Variants in RAVER2 observed in about 807,000 individuals in gnomAD.
The protein encoded by RAVER2 is ribonucleoprotein PTB-binding 2.
Under a neutral mutation model 78.1 loss-of-function variants are expected in RAVER2, and 46 were observed. The observed-to-expected ratio is 0.59, with a 90% CI of 0.46 to 0.75. The LOEUF (loss-of-function observed/expected upper bound fraction) is 0.75. Ranked by LOEUF, RAVER2 falls within the 30% of genes least tolerant of loss-of-function variation. The pLI, the probability that RAVER2 is intolerant of heterozygous loss-of-function variation, is 0.00. For synonymous variants in RAVER2, 311 were observed against 313.3 expected, an observed-to-expected ratio of 0.99 and a Z score of 0.08; for missense variants, 793 against 837.5, an observed-to-expected ratio of 0.95 and a Z score of 0.66.
intron 11 of RAVER2, among the ~76,000 whole-genome samples, chr1:64,829,579 G>A (rs1277661191): frequency 2.0e-5 from 3 of 152,176 alleles, no homozygotes; most frequent in Admixed American, 6.5e-5. Context: ...TGGTGCAGCA[G>A]CCCTTCTCTA....
intron 5 of RAVER2, among the ~76,000 whole-genome samples, chr1:64,800,414 A>G (rs1653229804): frequency 6.6e-6 from 1 of 151,970 alleles, no homozygotes; most frequent in Non-Finnish European, 1.5e-5. Context: ...TAGTTGTGCA[A>G]TTTTTAGTCT....
intron 4 of RAVER2, among the ~76,000 whole-genome samples, chr1:64,783,138 C>T (rs963504394): frequency 2.0e-5 from 3 of 152,104 alleles, no homozygotes; most frequent in Admixed American, 2.0e-4. Context: ...CATTGATGGA[C>T]ATTTGGGTTG....
At chr1:64,808,401 C>T (rs1027527947) in intron 9 of RAVER2, among the ~76,000 whole-genome samples, 1 of 149,392 alleles carries the variant, frequency 6.7e-6, no homozygotes, top group Non-Finnish European at 1.5e-5. Flanking sequence ...CTAGCCATAG[C>T]AAGAGGTATG....
At chr1:64,820,833 T>C (rs905300098) in intron 11 of RAVER2, among the ~76,000 whole-genome samples, 1 of 152,242 alleles carries the variant, frequency 6.6e-6, no homozygotes, top group Admixed American at 6.5e-5. Context: ...TGATTCTATG[T>C]CTTTGCTATT....
At chr1:64,817,711 C>T (rs1242259775) in intron 11 of RAVER2, among the ~76,000 whole-genome samples, 1 of 140,808 alleles carries the variant, frequency 7.1e-6, no homozygotes, top group Non-Finnish European at 1.5e-5. Context: ...AATGAGAACA[C>T]TTGGAAACAG....
intron 5 of RAVER2, among the ~76,000 whole-genome samples, chr1:64,794,474 T>C (rs116685276): frequency 6.6e-6 from 1 of 152,168 alleles, no homozygotes; most frequent in African/African-American, 2.4e-5. Context: ...CATCAGTTTC[T>C]AGGGCTCCAG....
chr1:64,789,641 A>G (rs535699782), intron 5 of RAVER2, 127 bp downstream of exon 5: 1 of 758,772 alleles, frequency 1.3e-6, no homozygotes, highest in Non-Finnish European at 1.7e-6. Flanking sequence ...AAAATATTTA[A>G]TTTTTCTAGG....
intron 11 of RAVER2, among the ~76,000 whole-genome samples, chr1:64,828,717 TAA>T (rs1164602235): frequency 6.6e-6 from 1 of 152,146 alleles, no homozygotes; most frequent in Admixed American, 6.5e-5. Context: ...ATTAAATATT[TAA>T]GTGTATAGTT....
intron 11 of RAVER2, among the ~76,000 whole-genome samples, chr1:64,825,843 T>C (rs185810297): frequency 2.8e-4 from 43 of 152,380 alleles, no homozygotes; most frequent in Admixed American, 2.4e-3. Flanking sequence ...GAAAATTAAC[T>C]TTTTAAAATC....
At chr1:64,755,772 G>A (rs954599308) in intron 1 of RAVER2, among the ~76,000 whole-genome samples, 2 of 114,716 alleles carry the variant, frequency 1.7e-5, no homozygotes, top group Non-Finnish European at 3.3e-5. Flanking sequence ...AACTAGAGTA[G>A]AAAGTGATGG....
intron 2 of RAVER2, among the ~76,000 whole-genome samples, chr1:64,775,972 C>A (rs1008212255): frequency 6.2e-5 from 9 of 145,244 alleles, no homozygotes; most frequent in African/African-American, 2.3e-4. Context: ...GAGCTGAGAT[C>A]GGCACCACTG....
chr1:64,826,523 G>A (rs994194147), intron 11 of RAVER2, among the ~76,000 whole-genome samples: 1 of 152,190 alleles, frequency 6.6e-6, no homozygotes, highest in African/African-American at 2.4e-5. Context: ...TAGGGCAGAA[G>A]AAGAGGGAGC....
At chr1:64,830,971 A>C (rs765536989) in exon 12 of RAVER2, 5 of 1,613,754 alleles carry the variant, frequency 3.1e-6, no homozygotes, top group South Asian at 2.2e-5. Flanking sequence ...CTTAAAAAAG[A>C]AGCGAGTATA....
intron 4 of RAVER2, 22 bp from the exon 5 acceptor site, chr1:64,789,366 C>T (rs770305308): frequency 6.4e-7 from 1 of 1,563,412 alleles, no homozygotes; most frequent in Non-Finnish European, 8.7e-7. Flanking sequence ...TCTAATGTTT[C>T]TTATTTCTAT....
At chr1:64,789,361 T>C (rs1389952326) in intron 4 of RAVER2, 27 bp from the exon 5 acceptor site, 2 of 1,561,670 alleles carry the variant, frequency 1.3e-6, no homozygotes, top group South Asian at 2.5e-5. Context: ...GCTGTTCTAA[T>C]GTTTCTTATT....
In RAVER2 at chr1:64,777,121, AT is replaced by A. The variant is rs555916587; in HGVS notation, c.317-498del. Among the ~76,000 whole-genome samples the A allele has an allele frequency of 1.9e-3, 295 of 152,288 alleles. 2 individuals carry two copies. Among genetic ancestry groups the A allele is most frequent in the Admixed American group, 0.017 (263 of 15,292 alleles). On this transcript the variant is annotated intron_variant, in intron 2 of 11. Coordinates refer to ENST00000294428, the Ensembl canonical transcript of RAVER2. ...GAGAAAGAAATGGCCTCCTTTATGC[AT>A]TTTGATGTTTTTGCTGTACCTTCAT...
intron 6 of RAVER2, among the ~76,000 whole-genome samples, chr1:64,804,309 T>G (rs1383303911): frequency 6.6e-6 from 1 of 152,000 alleles, no homozygotes; most frequent in Non-Finnish European, 1.5e-5. Flanking sequence ...TAATCCTGTG[T>G]TTTTTTTATT....
chr1:64,746,478 T>G (rs1651541497), intron 1 of RAVER2, among the ~76,000 whole-genome samples: 1 of 152,218 alleles, frequency 6.6e-6, no homozygotes, highest in South Asian at 2.1e-4. Context: ...TGTAACCGGA[T>G]GCATGAAATT....
intron 9 of RAVER2, among the ~76,000 whole-genome samples, chr1:64,807,758 T>A (rs907749059): frequency 6.6e-6 from 1 of 152,168 alleles, no homozygotes; most frequent in Non-Finnish European, 1.5e-5. Flanking sequence ...GTAAAATGAG[T>A]TACGTCTCTT....
Sources: gnomAD v4.1 joint callset for allele counts (sites outside exome capture counted in the v4.1 genomes callset) on GRCh38, gnomAD v4.1.1 for gene constraint, MANE v1.5 for transcripts, NCBI Gene and HGNC (gene_info 2026-07-23, HGNC 2026-07-21) for gene names.